The following FSTL5 variants were observed in gnomAD, a reference collection of about 807,000 sequenced individuals.
FSTL5 encodes the protein follistatin-related protein 5.
FSTL5 carries 62 observed loss-of-function variants against 89.1 expected under a neutral mutation model. The observed-to-expected ratio is 0.70, with a 90% CI of 0.57 to 0.86. The LOEUF (loss-of-function observed/expected upper bound fraction) is 0.86, where lower values mean the gene tolerates loss of function less well. Among genes scored for constraint, FSTL5 ranks in the 40% least tolerant of loss-of-function variants. The probability of loss-of-function intolerance (pLI) is 0.00; values close to 1 mark genes in which losing one functional copy is unlikely to be tolerated. For missense variants in FSTL5, 1,057 were observed against 1,001.6 expected, an observed-to-expected ratio of 1.06 and a Z score of -0.75; for synonymous variants, 383 against 346.2, an observed-to-expected ratio of 1.11 and a Z score of -1.18.
intron 4 of FSTL5, among the ~76,000 whole-genome samples, chr4:161,860,903 C>T (rs1155795): frequency 0.034 from 5,217 of 151,510 alleles, 173 homozygotes; most frequent in East Asian, 0.15. Flanking sequence ...TCTTTTCACC[C>T]CTCTCTCTCT....
intron 4 of FSTL5, among the ~76,000 whole-genome samples, chr4:161,833,269 T>G (rs1199986930): frequency 6.6e-6 from 1 of 152,158 alleles, no homozygotes; most frequent in Admixed American, 6.6e-5. Flanking sequence ...TTTCTGATCT[T>G]TTATATTTGC....
chr4:161,784,992 T>C (rs1005362179), intron 4 of FSTL5, among the ~76,000 whole-genome samples: 1 of 152,046 alleles, frequency 6.6e-6, no homozygotes, highest in Non-Finnish European at 1.5e-5. Context: ...ACTTACACAG[T>C]AATCACATTG....
At chr4:161,783,731 CT>C (rs200241011) in intron 4 of FSTL5, among the ~76,000 whole-genome samples, 1,889 of 13,952 alleles carry the variant, frequency 0.14, 797 homozygotes, top group East Asian at 0.17. Flanking sequence ...TTCTTCTTTT[CT>C]TTTCTTTCTT....
chr4:161,569,758 A>AACACACAC lies in FSTL5; in HGVS notation c.1015+17689_1015+17696dup, dbSNP rs56387876. On this transcript the variant is annotated intron_variant, in intron 8 of 15. Transcript: ENST00000306100. Reference sequence around the variant, plus strand: ...ATGAGATCTTTAAGTCCAACACACAAACACACACACACACACACACACACA... The same window carrying AACACACAC: ...ATGAGATCTTTAAGTCCAACACACAAACACACACACACACACACACACACACACACACA... 4.2e-4 allele frequency among the ~76,000 whole-genome samples: 57 copies of AACACACAC among 134,418 alleles called. 1 individual carries two copies. Among genetic ancestry groups the AACACACAC allele is most frequent in the African/African-American group, 1.6e-3 (54 of 34,210 alleles). The allele number at this position is 134,418 out of a possible 152,430, so 88.2% of individuals were successfully genotyped here.
intron 12 of FSTL5, among the ~76,000 whole-genome samples, chr4:161,492,489 T>C (rs1317185799): frequency 6.6e-6 from 1 of 152,180 alleles, no homozygotes; most frequent in Non-Finnish European, 1.5e-5. Context: ...ATAAATGTAA[T>C]ATGTATTTAC....
chr4:162,068,088 A>T (rs1418791247), intron 2 of FSTL5, among the ~76,000 whole-genome samples: 1 of 152,078 alleles, frequency 6.6e-6, no homozygotes, highest in East Asian at 1.9e-4. Context: ...CATGCTCATG[A>T]ATAAGAAGAA....
intron 1 of FSTL5, among the ~76,000 whole-genome samples, chr4:162,160,095 T>A (rs1733636116): frequency 6.6e-6 from 1 of 151,962 alleles, no homozygotes; most frequent in African/African-American, 2.4e-5. Context: ...CATATATATG[T>A]GTATATACAT....
intron 4 of FSTL5, 51 bp downstream of exon 4, chr4:161,920,353 G>A (rs1733956315): frequency 6.4e-7 from 1 of 1,569,960 alleles, no homozygotes; most frequent in Non-Finnish European, 8.7e-7. Context: ...CACTAGTTGA[G>A]AAAGAAAAGA....
chr4:162,027,842 G>A (rs1022216627), intron 3 of FSTL5, among the ~76,000 whole-genome samples: 1 of 151,356 alleles, frequency 6.6e-6, no homozygotes, highest in Non-Finnish European at 1.5e-5. Context: ...TGTGAGGTAA[G>A]TAATACTCAT....
At chr4:161,838,351 T>C (rs1057086966) in intron 4 of FSTL5, among the ~76,000 whole-genome samples, 1 of 152,226 alleles carries the variant, frequency 6.6e-6, no homozygotes, top group Admixed American at 6.5e-5. Context: ...TGATCTCAGA[T>C]CACTGCAACC....
At chr4:161,655,829 T>C (rs900790497) in intron 7 of FSTL5, among the ~76,000 whole-genome samples, 2 of 152,174 alleles carry the variant, frequency 1.3e-5, no homozygotes, top group African/African-American at 4.8e-5. Context: ...TGTTAGCACA[T>C]ATAAATCCCC....
At chr4:161,937,914 A>G (rs1236573972) in intron 3 of FSTL5, among the ~76,000 whole-genome samples, 1 of 152,114 alleles carries the variant, frequency 6.6e-6, no homozygotes, top group Non-Finnish European at 1.5e-5. Flanking sequence ...AGATATTCTA[A>G]TGAGGTTTTC....
chr4:161,553,271 T>C (rs1732276147), intron 8 of FSTL5, among the ~76,000 whole-genome samples: 1 of 151,388 alleles, frequency 6.6e-6, no homozygotes, highest in Non-Finnish European at 1.5e-5. Flanking sequence ...TAATTTATTA[T>C]GTATATATTA....
intron 15 of FSTL5, among the ~76,000 whole-genome samples, chr4:161,418,920 T>C (rs1416953631): frequency 1.3e-5 from 2 of 152,240 alleles, no homozygotes; most frequent in African/African-American, 4.8e-5. Context: ...TATTTCATTC[T>C]TGTTTTTAAG....
At chr4:161,820,368 A>C (rs1560864034) in intron 4 of FSTL5, among the ~76,000 whole-genome samples, 1 of 152,326 alleles carries the variant, frequency 6.6e-6, no homozygotes, top group East Asian at 1.9e-4. Context: ...ATAGGCATAT[A>C]TTAAGGATTA....
intron 7 of FSTL5, among the ~76,000 whole-genome samples, chr4:161,640,238 C>T (rs116534996): frequency 0.017 from 2,599 of 152,226 alleles, 70 homozygotes; most frequent in African/African-American, 0.058. Flanking sequence ...TTAGATTTAA[C>T]TGTCTAGTTT....
intron 3 of FSTL5, among the ~76,000 whole-genome samples, chr4:161,983,061 G>A (rs1355888744): frequency 6.6e-6 from 1 of 152,110 alleles, no homozygotes; most frequent in African/African-American, 2.4e-5. Context: ...CAGAGAAATC[G>A]AGGAAAGTTC....
At chr4:161,987,549 G>C (rs1035135363) in intron 3 of FSTL5, among the ~76,000 whole-genome samples, 4 of 142,720 alleles carry the variant, frequency 2.8e-5, no homozygotes, top group African/African-American at 1.0e-4. Flanking sequence ...TATAATGAAA[G>C]TATATATACT....
At chr4:162,115,788 T>G (rs1579040394) in intron 1 of FSTL5, among the ~76,000 whole-genome samples, 1 of 152,324 alleles carries the variant, frequency 6.6e-6, no homozygotes, top group East Asian at 1.9e-4. Flanking sequence ...AAGCCATTTT[T>G]ATTTTCTCCG....
Sources: allele counts gnomAD v4.1 joint callset (sites outside exome capture counted in the v4.1 genomes callset), GRCh38; gene constraint gnomAD v4.1.1; transcripts MANE v1.5; gene names NCBI Gene and HGNC (gene_info 2026-07-23, HGNC 2026-07-21).